PCMTD1: variants seen among roughly 807,000 people sequenced by gnomAD.
The protein encoded by PCMTD1 is protein-L-isoaspartate O-methyltransferase domain-containing protein 1.
In PCMTD1, 12 loss-of-function variants were observed where a neutral mutation model predicts 37.6. The ratio of observed to expected loss-of-function variants is 0.32; its 90% CI spans 0.20 to 0.52. The LOEUF (loss-of-function observed/expected upper bound fraction) is 0.52. Among genes scored for constraint, PCMTD1 ranks in the 20% least tolerant of loss-of-function variants. PCMTD1 has a pLI of 0.97. For missense variants in PCMTD1, 235 were observed against 421.3 expected (o/e 0.56, Z 3.87); for synonymous variants, 117 against 135.8 (o/e 0.86, Z 0.96).
intron 1 of PCMTD1, among the ~76,000 whole-genome samples, chr8:51,889,682 T>A (rs1217371268): frequency 6.6e-6 from 1 of 152,210 alleles, no homozygotes; most frequent in Non-Finnish European, 1.5e-5. Context: ...TACGAAAATG[T>A]GAAAATGTGG....
At chr8:51,878,367 G>A (rs2038744884) in intron 1 of PCMTD1, among the ~76,000 whole-genome samples, 1 of 151,638 alleles carries the variant, frequency 6.6e-6, no homozygotes, top group African/African-American at 2.4e-5. Flanking sequence ...CACCCCTGGT[G>A]TACAGGAAGA....
In PCMTD1 at chr8:51,883,748, AT is replaced by A. The variant is rs1431751460; in HGVS notation, c.-96+15181del. On this transcript the variant is annotated intron_variant, in intron 1 of 5. Transcript: ENST00000522514. ...TGGCATCTGAATTCTCTGCAGTTGA[AT>A]TACTGTGACAAAAGCAACAAAATGA... Among the ~76,000 whole-genome samples the A allele has an allele frequency of 7.2e-5, 11 of 152,326 alleles. No individual in the cohort carries two copies. The East Asian group carries it at 1.9e-3, about 27-fold the overall frequency.
intron 1 of PCMTD1, among the ~76,000 whole-genome samples, chr8:51,883,466 C>T (rs1407072847): frequency 6.6e-6 from 1 of 152,058 alleles, no homozygotes; most frequent in Admixed American, 6.6e-5. Flanking sequence ...CACAAAAACA[C>T]AGGGAGAGCA....
chr8:51,820,870 G>A, intron 5 of PCMTD1, 152 bp from the exon 6 acceptor site: 1 of 948,628 alleles, frequency 1.1e-6, no homozygotes, highest in Non-Finnish European at 1.5e-6. Flanking sequence ...CAAAGGTTTT[G>A]GAGTAGTCAT....
chr8:51,858,294 T>C (rs1304463414), intron 2 of PCMTD1, among the ~76,000 whole-genome samples: 1 of 112,092 alleles, frequency 8.9e-6, no homozygotes, highest in Non-Finnish European at 1.8e-5. Flanking sequence ...ACTAAATATG[T>C]AGTACCCATA....
At chr8:51,852,332 TA>T (rs1311882277) in intron 2 of PCMTD1, among the ~76,000 whole-genome samples, 2 of 152,174 alleles carry the variant, frequency 1.3e-5, no homozygotes, top group Admixed American at 6.5e-5. Context: ...CCACAAAGCA[TA>T]AAAATATTTT....
intron 1 of PCMTD1, among the ~76,000 whole-genome samples, chr8:51,874,147 C>G (rs575276676): frequency 6.6e-6 from 1 of 152,230 alleles, no homozygotes; most frequent in Non-Finnish European, 1.5e-5. Flanking sequence ...ATCCGCCCAC[C>G]TTGGCCTGCC....
chr8:51,832,793 T>C (rs1385337680), intron 4 of PCMTD1, among the ~76,000 whole-genome samples: 2 of 151,118 alleles, frequency 1.3e-5, no homozygotes, highest in Admixed American at 1.3e-4. Context: ...AAGATTTTTT[T>C]AGTTCACTTG....
chr8:51,838,421 G>A (rs953701097), intron 3 of PCMTD1, among the ~76,000 whole-genome samples: 2 of 151,932 alleles, frequency 1.3e-5, no homozygotes, highest in Non-Finnish European at 2.9e-5. Context: ...CCCACAAGCT[G>A]TAAACTACGG....
At chr8:51,872,028 A>T (rs1350438126) in intron 1 of PCMTD1, among the ~76,000 whole-genome samples, 31 of 152,208 alleles carry the variant, frequency 2.0e-4, no homozygotes, top group Non-Finnish European at 4.0e-4. Flanking sequence ...TGGCTTGGAA[A>T]CAGTGTGAAC....
intron 3 of PCMTD1, among the ~76,000 whole-genome samples, chr8:51,839,874 A>G (rs144806380): frequency 2.2e-4 from 34 of 152,344 alleles, no homozygotes; most frequent in African/African-American, 8.2e-4. Context: ...ATACTTTGTC[A>G]AAATACACAT....
chr8:51,882,497 C>T (rs2038805308), intron 1 of PCMTD1, among the ~76,000 whole-genome samples: 1 of 152,140 alleles, frequency 6.6e-6, no homozygotes, highest in African/African-American at 2.4e-5. Context: ...ATCATCTCTC[C>T]ACAAAGTGAT....
At chr8:51,854,739 T>C (rs1379145633) in intron 2 of PCMTD1, among the ~76,000 whole-genome samples, 2 of 152,080 alleles carry the variant, frequency 1.3e-5, no homozygotes, top group African/African-American at 4.8e-5. Flanking sequence ...TAGCTGGGCA[T>C]GGCGGCACAT....
intron 1 of PCMTD1, among the ~76,000 whole-genome samples, chr8:51,885,095 A>C (rs895947033): frequency 2.6e-5 from 4 of 152,198 alleles, no homozygotes; most frequent in African/African-American, 9.7e-5. Context: ...CAGAAAGACT[A>C]CACACAAGCC....
At chr8:51,858,727 A>G (rs1302239369) in intron 2 of PCMTD1, among the ~76,000 whole-genome samples, 2 of 152,196 alleles carry the variant, frequency 1.3e-5, no homozygotes, top group African/African-American at 2.4e-5. Flanking sequence ...GAGAACAACT[A>G]TATCTTGGTC....
Position 51,898,964 on chromosome 8 carries a change from T to C in PCMTD1, c.-130A>G, listed in dbSNP as rs2039054456. On this transcript the variant is annotated 5_prime_UTR_variant, in exon 1 of 6. Coordinates refer to ENST00000522514, the MANE Select transcript of PCMTD1 (RefSeq NM_052937.4). ...GGGCAGCGGCGCGCAGGCCAGGCGC[T>C]AGGACTCGGCGGGGTCCGCAGCAGC... 1 of 1,485,002 alleles carries C rather than the reference T, an allele frequency of 6.7e-7. No individual in the cohort carries two copies. Among genetic ancestry groups the C allele is most frequent in the Non-Finnish European group, 8.9e-7 (1 of 1,123,072 alleles). The allele number at this position is 1,485,002 out of a possible 1,614,324, so 92.0% of individuals were successfully genotyped here. A position where few individuals can be genotyped will look rare whatever the true frequency, so the allele number is the denominator to read the frequency against.
chr8:51,833,763 C>T, intron 3 of PCMTD1, 74 bp from the exon 4 acceptor site: 1 of 1,213,082 alleles, frequency 8.2e-7, no homozygotes, highest in Non-Finnish European at 1.1e-6. Context: ...TAATCCAGTC[C>T]TTTGAAATAA....
intron 2 of PCMTD1, among the ~76,000 whole-genome samples, chr8:51,851,827 T>A (rs1235860002): frequency 6.6e-6 from 1 of 152,128 alleles, no homozygotes; most frequent in Non-Finnish European, 1.5e-5. Flanking sequence ...ATCTGGTATT[T>A]TTAGTAGGCA....
intron 1 of PCMTD1, among the ~76,000 whole-genome samples, chr8:51,897,800 C>T (rs771850714): frequency 3.3e-5 from 5 of 152,108 alleles, no homozygotes; most frequent in African/African-American, 1.2e-4. Context: ...TTCTCTAATA[C>T]ATAGTAATAA....
Sources: gnomAD v4.1 joint callset for allele counts (sites outside exome capture counted in the v4.1 genomes callset) on GRCh38, gnomAD v4.1.1 for gene constraint, MANE v1.5 for transcripts, NCBI Gene and HGNC (gene_info 2026-07-23, HGNC 2026-07-21) for gene names.